PHF21B: variants seen among roughly 807,000 people sequenced by gnomAD.
The protein encoded by PHF21B is PHD finger protein 21B.
In PHF21B, 22 loss-of-function variants were observed where a neutral mutation model predicts 62.2. That is an observed-to-expected ratio of 0.35 (90% CI 0.25 to 0.51). The LOEUF (loss-of-function observed/expected upper bound fraction) is 0.51. Ranked by LOEUF, PHF21B falls within the 20% of genes least tolerant of loss-of-function variation. The pLI, the probability that PHF21B is intolerant of heterozygous loss-of-function variation, is 0.97. For synonymous variants in PHF21B, 341 were observed against 314.7 expected, an observed-to-expected ratio of 1.08 and a Z score of -0.88; for missense variants, 701 against 707.9, an observed-to-expected ratio of 0.99 and a Z score of 0.11.
At chr22:44,890,374 A>G (rs2070942000) in intron 8 of PHF21B, among the ~76,000 whole-genome samples, 1 of 152,210 alleles carries the variant, frequency 6.6e-6, no homozygotes, top group Non-Finnish European at 1.5e-5. Flanking sequence ...AAACATATAT[A>G]TCTTTCAGGT....
chr22:44,935,223 A>G (rs1230857862), intron 2 of PHF21B, among the ~76,000 whole-genome samples: 2 of 152,156 alleles, frequency 1.3e-5, no homozygotes. Flanking sequence ...AAGGGTTATG[A>G]GACCCTGAAC....
At chr22:44,914,903 G>C (rs887614917) in intron 4 of PHF21B, among the ~76,000 whole-genome samples, 1 of 152,182 alleles carries the variant, frequency 6.6e-6, no homozygotes, top group African/African-American at 2.4e-5. Context: ...TATTTCTTTG[G>C]ACAGGAAATT....
chr22:44,936,118 T>C (rs1323629456), intron 2 of PHF21B, among the ~76,000 whole-genome samples: 2 of 152,188 alleles, frequency 1.3e-5, no homozygotes, highest in Non-Finnish European at 2.9e-5. Flanking sequence ...GTGGAGAACA[T>C]CTTTTTGGAG....
chr22:44,884,068 T>TCACCACCACCAC, intron 12 of PHF21B, among the ~76,000 whole-genome samples: 1 of 131,592 alleles, frequency 7.6e-6, no homozygotes, highest in Admixed American at 7.6e-5. Flanking sequence ...ACCACCACCA[T>TCACCACCACCAC]GATCACCATT....
At position 44,919,215 on chromosome 22, in the gene PHF21B, C is replaced by A. The variant is rs138622396; in HGVS notation, c.213+1183G>T. On this transcript the variant is annotated intron_variant, in intron 3 of 12. Transcript: ENST00000313237. ...CGCAGTGTCTCTTTCTGGCATGGCC[C>A]GATCACCCTGGACTCACAGTATCTG... Among the ~76,000 whole-genome samples the A allele has an allele frequency of 2.7e-4, 22 of 81,824 alleles. 1 individual carries two copies. The East Asian group carries it at 4.3e-3, about 16-fold the overall frequency. 53.7% of individuals were successfully genotyped at this position (81,824 alleles called of 152,430 possible).
chr22:44,906,435 C>T (rs145913263), intron 5 of PHF21B, among the ~76,000 whole-genome samples: 22 of 152,308 alleles, frequency 1.4e-4, no homozygotes, highest in African/African-American at 5.3e-4. Flanking sequence ...GGCACAGGGC[C>T]GAAACGTGTG....
At chr22:44,980,892 G>A (rs2147475417) in intron 2 of PHF21B, among the ~76,000 whole-genome samples, 1 of 152,356 alleles carries the variant, frequency 6.6e-6, no homozygotes, top group South Asian at 2.1e-4. Context: ...TCATCACACA[G>A]CTAATTACTG....
At chr22:44,997,395 G>A (rs111338381) in intron 2 of PHF21B, among the ~76,000 whole-genome samples, 2 of 152,282 alleles carry the variant, frequency 1.3e-5, no homozygotes, top group African/African-American at 4.8e-5. Context: ...CAAGCTCTTG[G>A]GGGGACCTTC....
chr22:44,983,437 GC>G (rs2072879339), intron 2 of PHF21B, among the ~76,000 whole-genome samples: 1 of 152,136 alleles, frequency 6.6e-6, no homozygotes, highest in South Asian at 2.1e-4. Context: ...AGAGGCTTCA[GC>G]ATGAACCCCC....
At chr22:44,896,998 C>A (rs143855962) in intron 5 of PHF21B, among the ~76,000 whole-genome samples, 3 of 151,526 alleles carry the variant, frequency 2.0e-5, no homozygotes, top group South Asian at 2.1e-4. Context: ...CCTACCTCAG[C>A]CTCCCGAGGA....
chr22:44,982,106 A>G (rs1033380626), intron 2 of PHF21B, among the ~76,000 whole-genome samples: 1 of 152,166 alleles, frequency 6.6e-6, no homozygotes, highest in African/African-American at 2.4e-5. Context: ...CATGGCACAC[A>G]GGTTCTCTCC....
Position 44,891,372 on chromosome 22 carries a change from G to GA in PHF21B, c.961-13dup, listed in dbSNP as rs1183708498. The stretch of plus-strand genomic sequence containing the variant: ...GCCAGCCGTTTCCTCTGCAGGGACA[G>GA]AAAACAAAACAACACACCCCATCAT... On this transcript the variant is annotated splice_polypyrimidine_tract_variant and intron_variant, in intron 7 of 12. Transcript: ENST00000313237. 1 of 1,613,210 alleles carries GA rather than the reference G, an allele frequency of 6.2e-7. No individual in the cohort carries two copies. The highest frequency in any genetic ancestry group is 1.7e-5 in the Admixed American group (1 of 59,870).
chr22:44,940,749 G>T (rs1284461579), intron 2 of PHF21B, among the ~76,000 whole-genome samples: 1 of 152,130 alleles, frequency 6.6e-6, no homozygotes, highest in South Asian at 2.1e-4. Context: ...CCAACAGCTG[G>T]GACCTTCCAG....
intron 2 of PHF21B, among the ~76,000 whole-genome samples, chr22:44,946,261 T>C (rs977495774): frequency 6.8e-6 from 1 of 146,864 alleles, no homozygotes; most frequent in Non-Finnish European, 1.5e-5. Context: ...CTAGAGAGGC[T>C]CCCTATCTCT....
chr22:44,922,648 A>G (rs1387174723), intron 2 of PHF21B, among the ~76,000 whole-genome samples: 1 of 152,230 alleles, frequency 6.6e-6, no homozygotes, highest in Admixed American at 6.5e-5. Flanking sequence ...AAAAGAAAAA[A>G]AAAATCAGTT....
In PHF21B at chr22:44,916,580, C is replaced by A; in HGVS notation, c.264G>T (p.Arg88=). ...TTGGGGGCTGCTTGGGTGGCCGGTC[C>A]CGGCCCGGGGCAACGGGGAGGCTGT... The part of the protein sequence containing the change: ...IPDSLPVAPG[R]DRPPKQPPTF... The change falls in exon 4 of 13, where the codon CGG becomes CGT. Residue 88 remains arginine, a synonymous_variant. Coordinates refer to ENST00000313237, the MANE Select transcript of PHF21B (RefSeq NM_138415.5). The A allele has an allele frequency of 6.2e-7, 1 of 1,606,132 alleles. No individual in the cohort carries two copies. The highest frequency in any genetic ancestry group is 8.5e-7 in the Non-Finnish European group (1 of 1,179,914).
intron 2 of PHF21B, among the ~76,000 whole-genome samples, chr22:44,980,068 CAAAAAAAA>C (rs71190605): frequency 5.1e-4 from 29 of 57,220 alleles, no homozygotes; most frequent in Admixed American, 2.4e-3. Flanking sequence ...GACTTCGTCT[CAAAAAAAA>C]AAAAAAAAAA....
At chr22:44,948,688 C>T (rs2072128435) in intron 2 of PHF21B, among the ~76,000 whole-genome samples, 5 of 136,106 alleles carry the variant, frequency 3.7e-5, no homozygotes, top group African/African-American at 9.0e-5. Context: ...GAGACTCTGT[C>T]TGGAAAAAAA....
intron 5 of PHF21B, among the ~76,000 whole-genome samples, chr22:44,907,823 AGAG>A (rs2147285592): frequency 6.6e-6 from 1 of 152,314 alleles, no homozygotes; most frequent in South Asian, 2.1e-4. Context: ...GACAATTATT[AGAG>A]GTGGGACACA....
Sources: allele counts gnomAD v4.1 joint callset (sites outside exome capture counted in the v4.1 genomes callset), GRCh38; gene constraint gnomAD v4.1.1; transcripts MANE v1.5; gene names NCBI Gene and HGNC (gene_info 2026-07-23, HGNC 2026-07-21).